IL17B: variants seen among roughly 807,000 people sequenced by gnomAD.
IL17B encodes the protein interleukin-17B.
IL17B carries 14 observed loss-of-function variants against 14.7 expected under a neutral mutation model. The observed-to-expected ratio is 0.95, with a 90% CI of 0.63 to 1.49. The LOEUF (loss-of-function observed/expected upper bound fraction) is 1.49, where lower values mean the gene tolerates loss of function less well. IL17B is among the 40% of genes most tolerant of loss of function. The probability of loss-of-function intolerance (pLI) is 0.00; values close to 1 mark genes in which losing one functional copy is unlikely to be tolerated. For synonymous variants in IL17B, 105 were observed against 94.8 expected (o/e 1.11, Z -0.62); for missense variants, 233 against 252.8 (o/e 0.92, Z 0.53).
In IL17B at chr5:149,390,217, A is replaced by ACCCC. The variant is rs369377689; in HGVS notation, n.96-13196_96-13193dup. On this transcript the variant is annotated intron_variant and non_coding_transcript_variant, in intron 1 of 2. Transcript: ENST00000505432. ...TCCCCTGCTATTACTGGTATTAGTGACCCCCCCCCTCCCTGTCCCTGGGGA... is the reference window on the plus strand; with the variant it reads ...TCCCCTGCTATTACTGGTATTAGTGACCCCCCCCCCCCCTCCCTGTCCCTGGGGA... 7.6e-4 allele frequency among the ~76,000 whole-genome samples: 99 copies of ACCCC among 130,428 alleles called. 3 individuals carry two copies. Among genetic ancestry groups the ACCCC allele is most frequent in the East Asian group, 1.5e-3 (7 of 4,542 alleles). The allele number at this position is 130,428 out of a possible 152,430, so 85.6% of individuals were successfully genotyped here.
intron 1 of IL17B, among the ~76,000 whole-genome samples, chr5:149,395,719 C>G (rs1263239892): frequency 6.6e-6 from 1 of 152,166 alleles, no homozygotes; most frequent in African/African-American, 2.4e-5. Context: ...GTTGCCCAGG[C>G]TGGAGTGCAA....
chr5:149,376,769 G>C lies in IL17B; in HGVS notation c.278C>G (p.Ser93Cys). 6.2e-6 allele frequency: 10 copies of C among 1,612,820 alleles called. No individual in the cohort carries two copies. The South Asian group carries it at 1.1e-4, about 18-fold the overall frequency. Reference protein sequence around the residue: ...KCEVNLQLWMSNKRSLSPWGY... With the variant: ...KCEVNLQLWMCNKRSLSPWGY... ...CCAGGGAGACAGGCTCCTCTTGTTGGACATCCACAGCTGCAAGTTGACCTC... is the reference window on the plus strand; with the variant it reads ...CCAGGGAGACAGGCTCCTCTTGTTGCACATCCACAGCTGCAAGTTGACCTC... Residue 93 changes from serine to cysteine, a missense_variant, in exon 2 of 3, where the codon TCC (serine) becomes TGC (cysteine). By Grantham distance (112) the Ser-to-Cys change is moderately radical. Transcript: ENST00000261796.
At chr5:149,381,509 T>C (rs1479866559), upstream of IL17B, among the ~76,000 whole-genome samples, 1 of 152,246 alleles carries the variant, frequency 6.6e-6, no homozygotes, top group Non-Finnish European at 1.5e-5. Context: ...CATTCATTGT[T>C]CTTCCCTCAG....
chr5:149,374,647 G>A lies in IL17B; in HGVS notation c.312-47C>T, dbSNP rs1279549197. The A allele has an allele frequency of 8.1e-6, 12 of 1,488,124 alleles. No individual in the cohort carries two copies. The highest frequency in any genetic ancestry group is 1.0e-5 in the Non-Finnish European group (11 of 1,079,282). The allele number at this position is 1,488,124 out of a possible 1,614,324, so 92.2% of individuals were successfully genotyped here. A position where few individuals can be genotyped will look rare whatever the true frequency, so the allele number is the denominator to read the frequency against. On this transcript the variant is annotated intron_variant, in intron 2 of 2. Coordinates refer to ENST00000261796, the MANE Select transcript of IL17B (RefSeq NM_014443.3). The surrounding 1 kb of genome is among the most constrained non-coding windows in gnomAD (Gnocchi z 5.0). ...GCAGAGCGGAAGGTGATCAGGAAAG[G>A]GCCAGTCAGCACCCATACTCCACAC...
At chr5:149,375,515 G>A (rs550250257) in intron 2 of IL17B, among the ~76,000 whole-genome samples, 34 of 152,316 alleles carry the variant, frequency 2.2e-4, no homozygotes, top group African/African-American at 8.2e-4. Flanking sequence ...GCTCCGTTCT[G>A]GAGGATCTTT....
chr5:149,376,349 G>A (rs1259798420), intron 2 of IL17B, among the ~76,000 whole-genome samples: 1 of 152,252 alleles, frequency 6.6e-6, no homozygotes, highest in Non-Finnish European at 1.5e-5. Flanking sequence ...CCCAGGTCCA[G>A]CATAAGAGAC....
chr5:149,379,667 C>T (rs1291632312), upstream of IL17B, among the ~76,000 whole-genome samples: 1 of 152,134 alleles, frequency 6.6e-6, no homozygotes, highest in Non-Finnish European at 1.5e-5. Context: ...CAAATGTTCT[C>T]AAATTGTGCT....
chr5:149,374,722 G>T lies in IL17B; in HGVS notation c.312-122C>A. 3 of 725,516 alleles carry T rather than the reference G, an allele frequency of 4.1e-6. No individual in the cohort carries two copies. Among genetic ancestry groups the T allele is most frequent in the Non-Finnish European group, 6.6e-6 (3 of 452,704 alleles). The allele number at this position is 725,516 out of a possible 1,614,324, so 44.9% of individuals were successfully genotyped here. ...TAATTTCCACAGCAAGACTGTGTTG[G>T]GCTGGAGGAAAGGCAGTAATCAACT... On this transcript the variant is annotated intron_variant, in intron 2 of 2. Transcript: ENST00000261796. This position sits in a 1 kb window ranked among gnomAD's most constrained non-coding sequence, Gnocchi z 5.0.
intron 1 of IL17B, among the ~76,000 whole-genome samples, chr5:149,387,775 C>CA (rs57775228): frequency 0.042 from 3,405 of 80,942 alleles, 66 homozygotes; most frequent in Non-Finnish European, 0.048. Context: ...GCCCCTGTCT[C>CA]AAAAAAAAAA....
intron 1 of IL17B, among the ~76,000 whole-genome samples, chr5:149,402,814 T>C (rs1300975071): frequency 1.3e-5 from 2 of 151,492 alleles, no homozygotes; most frequent in Non-Finnish European, 2.9e-5. Context: ...CCATCCTGGC[T>C]AACACGGTGA....
At chr5:149,378,537 T>A (rs187002092) in intron 1 of IL17B, among the ~76,000 whole-genome samples, 96 of 152,302 alleles carry the variant, frequency 6.3e-4, no homozygotes, top group African/African-American at 2.0e-3. Flanking sequence ...GCTCCATATG[T>A]TCCCTGTATG....
rs1491235916 is a variant in IL17B, at chr5:149,390,630, C to CACACACACACACACACACAG, written n.95+13477_95+13478insCTGTGTGTGTGTGTGTGTGT. Among the ~76,000 whole-genome samples the CACACACACACACACACACAG allele has an allele frequency of 4.3e-3, 572 of 131,988 alleles. 10 individuals are homozygous for CACACACACACACACACACAG. Among genetic ancestry groups the CACACACACACACACACACAG allele is most frequent in the African/African-American group, 0.015 (528 of 34,496 alleles). 86.6% of individuals were successfully genotyped at this position (131,988 alleles called of 152,430 possible). A position where few individuals can be genotyped will look rare whatever the true frequency, so the allele number is the denominator to read the frequency against. On this transcript the variant is annotated intron_variant and non_coding_transcript_variant, in intron 1 of 2. Transcript: ENST00000505432. The stretch of plus-strand genomic sequence containing the variant: ...ACACACACACACACACACACACACA[C>CACACACACACACACACACAG]AGAGATACACAAGGCCCTCCAAGTC...
At chr5:149,386,713 A>G (rs1457251980) in intron 1 of IL17B, among the ~76,000 whole-genome samples, 1 of 152,208 alleles carries the variant, frequency 6.6e-6, no homozygotes, top group Admixed American at 6.5e-5. Flanking sequence ...CTGGGGATAT[A>G]GTGGTGAACA....
chr5:149,403,233 G>A lies in IL17B; in HGVS notation n.95+875C>T, dbSNP rs62380286. ...CCAAGGAGCTGGGATTACAGGCACAGTCCACCATGCCCAGCTAATTTTTTG... is the reference window on the plus strand; with the variant it reads ...CCAAGGAGCTGGGATTACAGGCACAATCCACCATGCCCAGCTAATTTTTTG... On this transcript the variant is annotated intron_variant and non_coding_transcript_variant, in intron 1 of 2. Coordinates refer to the IL17B transcript ENST00000505432. Among the ~76,000 whole-genome samples the A allele has an allele frequency of 6.9e-3, 1,051 of 151,850 alleles. 7 individuals are homozygous for A. The highest frequency in any genetic ancestry group is 0.01 in the Non-Finnish European group (705 of 67,944).
At chr5:149,377,625 C>T (rs1758580793) in intron 1 of IL17B, among the ~76,000 whole-genome samples, 1 of 152,190 alleles carries the variant, frequency 6.6e-6, no homozygotes, top group Admixed American at 6.6e-5. Flanking sequence ...AAGACAAACA[C>T]CCAAGTCTCC....
In IL17B at chr5:149,374,902, C is replaced by T. The variant is rs564563737; in HGVS notation, c.312-302G>A. On this transcript the variant is annotated intron_variant, in intron 2 of 2. Coordinates refer to ENST00000261796, the MANE Select transcript of IL17B (RefSeq NM_014443.3). The surrounding 1 kb of genome is among the most constrained non-coding windows in gnomAD (Gnocchi z 5.0). ...TTGCGCTGTGGGGATTGTGGAGTAG[C>T]CCTCTACCACCTAGGGCCCTCATGT... 21 of 307,294 alleles carry T rather than the reference C, an allele frequency of 6.8e-5. No individual in the cohort carries two copies. The South Asian group carries it at 1.7e-3, about 25-fold the overall frequency. The allele number at this position is 307,294 out of a possible 1,614,324, so 19.0% of individuals were successfully genotyped here.
chr5:149,393,028 G>T (rs999808429), intron 1 of IL17B, among the ~76,000 whole-genome samples: 10 of 149,508 alleles, frequency 6.7e-5, no homozygotes, highest in Non-Finnish European at 1.5e-4. Context: ...CGTGTGTGTG[G>T]GCGTGTGTGT....
chr5:149,379,018 C>T (rs962139537), intron 1 of IL17B, among the ~76,000 whole-genome samples, 187 bp downstream of exon 1: 1 of 152,236 alleles, frequency 6.6e-6, no homozygotes, highest in Non-Finnish European at 1.5e-5. Flanking sequence ...CGTTCAGGAG[C>T]CTGCACTGCT....
In IL17B at chr5:149,374,505, C is replaced by T. The variant is rs374213956; in HGVS notation, c.407G>A (p.Arg136His). The T allele has an allele frequency of 4.4e-5, 71 of 1,613,096 alleles. No individual in the cohort carries two copies. Among genetic ancestry groups the T allele is most frequent in the Non-Finnish European group, 5.3e-5 (63 of 1,179,998 alleles). The part of the protein sequence containing the change: ...CVNPFTMQED[R>H]SMVSVPVFSQ... ...GAACACCGGCACGCTCACCATGCTG[C>T]GGTCCTCCTGCATGGTGAAGGGGTT... Residue 136 changes from arginine (R) to histidine (H), a missense_variant, in exon 3 of 3, where the codon CGC (arginine) becomes CAC (histidine). By Grantham distance (29) the Arg-to-His change is conservative (BLOSUM62 0). Transcript: ENST00000261796. This position sits in a 1 kb window ranked among gnomAD's most constrained non-coding sequence, Gnocchi z 5.0.
Sources: allele counts gnomAD v4.1 joint callset (sites outside exome capture counted in the v4.1 genomes callset), GRCh38; gene constraint gnomAD v4.1.1; non-coding constraint Gnocchi (gnomAD v3.1); transcripts MANE v1.5; gene names NCBI Gene and HGNC (gene_info 2026-07-23, HGNC 2026-07-21).